Variants in KRI1 observed in about 807,000 individuals in gnomAD.
KRI1 encodes protein KRI1 homolog.
Under a neutral mutation model 97.0 loss-of-function variants are expected in KRI1, and 83 were observed. The observed-to-expected ratio is 0.86, with a 90% confidence interval of 0.72 to 1.03. The LOEUF (loss-of-function observed/expected upper bound fraction) is 1.03, where lower values mean the gene tolerates loss of function less well. Ranked by LOEUF, KRI1 falls within the 50% of genes least tolerant of loss-of-function variation. The pLI, the probability that KRI1 is intolerant of heterozygous loss-of-function variation, is 0.00. For synonymous variants in KRI1, 371 were observed against 363.5 expected, an observed-to-expected ratio of 1.02 and a Z score of -0.23; for missense variants, 916 against 928.4, an observed-to-expected ratio of 0.99 and a Z score of 0.17.
Position 10,553,905 on chromosome 19 carries a change from T to A in KRI1, c.*46A>T. On this transcript the variant is annotated 3_prime_UTR_variant, in exon 19 of 19. Coordinates refer to ENST00000312962, the MANE Select transcript of KRI1 (RefSeq NM_023008.5). Reference sequence around the variant, plus strand: ...TGTGGGTGCGAGACCTGTCCAGGGCTTGATTTGAGGAGAGGAGCCTGAGGC... The same window carrying A: ...TGTGGGTGCGAGACCTGTCCAGGGCATGATTTGAGGAGAGGAGCCTGAGGC... 6.9e-7 allele frequency: 1 copy of A among 1,459,220 alleles called. No individual in the cohort carries two copies. The highest frequency in any genetic ancestry group is 9.2e-7 in the Non-Finnish European group (1 of 1,090,084). The allele number at this position is 1,459,220 out of a possible 1,614,324, so 90.4% of individuals were successfully genotyped here.
Position 10,557,983 on chromosome 19 carries a change from G to C in KRI1, c.1348C>G (p.Pro450Ala). Residue 450 changes from proline to alanine, a missense_variant, in exon 14 of 19, where the codon CCC (proline) becomes GCC (alanine). Coordinates refer to ENST00000312962, the MANE Select transcript of KRI1 (RefSeq NM_023008.5). ...WSQQELHCED[P>A]NFNMDADYDP... ...CCCGTGATACCTACGTTGAAGTTGGGGTCCTCACAGTGCAGCTCCTGCTGG... is the reference window on the plus strand; with the variant it reads ...CCCGTGATACCTACGTTGAAGTTGGCGTCCTCACAGTGCAGCTCCTGCTGG... 6.2e-7 allele frequency: 1 copy of C among 1,614,054 alleles called. No homozygotes were observed. The highest frequency in any genetic ancestry group is 8.5e-7 in the Non-Finnish European group (1 of 1,180,006).
rs951254301 is a variant in KRI1 at position 10,553,342 on chromosome 19, C to T, written c.*609G>A. On this transcript the variant is annotated 3_prime_UTR_variant, in exon 19 of 19. Coordinates refer to ENST00000312962, the MANE Select transcript of KRI1 (RefSeq NM_023008.5). ...CTCACGTACTGTAGTTTGCACTGGACGCCCGGGCCCTCCCTGTCCCAAAGC... is the reference window on the plus strand; with the variant it reads ...CTCACGTACTGTAGTTTGCACTGGATGCCCGGGCCCTCCCTGTCCCAAAGC... 186 of 362,300 alleles carry T rather than the reference C, an allele frequency of 5.1e-4. No homozygotes were observed. The Middle Eastern group carries it at 5.4e-3, about 11-fold the overall frequency. The allele number at this position is 362,300 out of a possible 1,614,324, so 22.4% of individuals were successfully genotyped here. A position where few individuals can be genotyped will look rare whatever the true frequency, so the allele number is the denominator to read the frequency against.
At chr19:10,564,289 T>C (rs1423538555) in intron 3 of KRI1, among the ~76,000 whole-genome samples, 1 of 149,856 alleles carries the variant, frequency 6.7e-6, no homozygotes, top group Non-Finnish European at 1.5e-5. Context: ...GGAGAAACCC[T>C]GTCTCTACTA....
intron 17 of KRI1, 43 bp from the exon 18 acceptor site, chr19:10,555,228 C>T (rs763167226): frequency 2.2e-5 from 35 of 1,613,126 alleles, no homozygotes; most frequent in Non-Finnish European, 2.7e-5. Context: ...GGGAAGTGCC[C>T]GAGGCTGCCC....
intron 12 of KRI1, among the ~76,000 whole-genome samples, chr19:10,559,024 A>T (rs1916607979): frequency 6.9e-6 from 1 of 144,690 alleles, no homozygotes; most frequent in Non-Finnish European, 1.5e-5. Context: ...TTTTTTTTTA[A>T]AACAGAGGCT....
intron 14 of KRI1, 26 bp from the exon 15 acceptor site, chr19:10,557,921 C>T: frequency 6.2e-7 from 1 of 1,613,724 alleles, no homozygotes; most frequent in South Asian, 1.1e-5. Context: ...GGTCAGATCC[C>T]ACCAGCCCCC....
chr19:10,559,699 A>G lies in KRI1; in HGVS notation c.937T>C (p.Tyr313His). 1 of 1,613,946 alleles carries G rather than the reference A, an allele frequency of 6.2e-7. No individual in the cohort carries two copies. Among genetic ancestry groups the G allele is most frequent in the Non-Finnish European group, 8.5e-7 (1 of 1,179,994 alleles). ...EEPDSASVKT[Y>H]PRSIASSVRR... The stretch of plus-strand genomic sequence containing the variant: ...ACGGAGGACGCGATGCTGCGTGGGT[A>G]GGTCTTGACCTAGGCGCAATCAGAA... The change falls in exon 11 of 19, where the codon TAC (tyrosine) becomes CAC (histidine). Residue 313 changes from tyrosine (Y) to histidine (H), a missense_variant. Tyr to His is a moderately conservative substitution (Grantham distance 83, BLOSUM62 2). Transcript: ENST00000312962.
rs138825497 is a variant in KRI1, at chr19:10,557,406, C to T, written c.1617+146G>A. 1.1e-3 allele frequency: 1,026 copies of T among 972,926 alleles called. 4 individuals are homozygous for T. The highest frequency in any genetic ancestry group is 7.7e-3 in the African/African-American group (474 of 61,400). The allele number at this position is 972,926 out of a possible 1,614,324, so 60.3% of individuals were successfully genotyped here. On this transcript the variant is annotated intron_variant, in intron 16 of 18. Coordinates refer to ENST00000312962, the MANE Select transcript of KRI1 (RefSeq NM_023008.5). ...ACAGGCATGAGCCACTGCGCCCAAC[C>T]GAATATTATCATTTTCAAGATGAAG...
At chr19:10,562,703 G>T in intron 4 of KRI1, 26 bp downstream of exon 4, 2 of 1,304,538 alleles carry the variant, frequency 1.5e-6, no homozygotes, top group South Asian at 1.2e-5. Flanking sequence ...GGAACCAGGG[G>T]GTGGGGATGT....
Position 10,560,388 on chromosome 19 carries a change from C to A in KRI1, c.724G>T (p.Asp242Tyr). The change falls in exon 9 of 19, where the codon GAT becomes TAT. Residue 242 changes from aspartate to tyrosine, a missense_variant. This residue lies in a region of KRI1 where 672 missense variants were observed against 667.2 expected (regional missense o/e 1.01). Coordinates refer to ENST00000312962, the MANE Select transcript of KRI1 (RefSeq NM_023008.5). ...ELDEGERFLR[D>Y]YILNKRYEEE... ...TCATAGCGTTTGTTGAGGATGTAATCCCGCAGGAACCGCTCCCCTTCATCC... is the reference window on the plus strand; with the variant it reads ...TCATAGCGTTTGTTGAGGATGTAATACCGCAGGAACCGCTCCCCTTCATCC... 1 of 1,613,702 alleles carries A rather than the reference C, an allele frequency of 6.2e-7. No individual in the cohort carries two copies. Among genetic ancestry groups the A allele is most frequent in the Non-Finnish European group, 8.5e-7 (1 of 1,179,856 alleles).
At chr19:10,562,380 G>A (rs995244093) in intron 4 of KRI1, among the ~76,000 whole-genome samples, 2 of 147,482 alleles carry the variant, frequency 1.4e-5, no homozygotes, top group African/African-American at 5.1e-5. Flanking sequence ...GTCTTATTCT[G>A]TTGCCCAGGC....
chr19:10,559,599 C>A lies in KRI1; in HGVS notation c.1023+14G>T. 6.2e-7 allele frequency: 1 copy of A among 1,613,390 alleles called. No individual in the cohort carries two copies. The highest frequency in any genetic ancestry group is 8.5e-7 in the Non-Finnish European group (1 of 1,179,684). ...GGGCTGGGGGGTCCTCCCCAGCTCA[C>A]CCCCCACACTCACCCTCTTCTTTCG... On this transcript the variant is annotated intron_variant, in intron 11 of 18. Coordinates refer to ENST00000312962, the MANE Select transcript of KRI1 (RefSeq NM_023008.5).
At chr19:10,554,611 C>A (rs527811598) in intron 18 of KRI1, among the ~76,000 whole-genome samples, 2 of 152,140 alleles carry the variant, frequency 1.3e-5, no homozygotes, top group African/African-American at 4.8e-5. Context: ...AGTCGCGTTA[C>A]CATAGGTCAC....
intron 15 of KRI1, 30 bp from the exon 16 acceptor site, chr19:10,557,712 T>TATGCCAGGCC (rs779784999): frequency 1.3e-4 from 203 of 1,614,008 alleles, no homozygotes; most frequent in Non-Finnish European, 1.7e-4. Flanking sequence ...GCTGCTGGGC[T>TATGCCAGGCC]ATGCCAGGCC....
chr19:10,559,318 T>C, intron 12 of KRI1, 41 bp downstream of exon 12: 1 of 1,595,496 alleles, frequency 6.3e-7, no homozygotes, highest in Admixed American at 1.7e-5. Flanking sequence ...GCCATGTTTG[T>C]GTGAACTCAG....
At chr19:10,555,025 C>A (rs1916453931) in intron 18 of KRI1, 62 bp downstream of exon 18, 1 of 1,386,940 alleles carries the variant, frequency 7.2e-7, no homozygotes, top group Non-Finnish European at 1.0e-6. Flanking sequence ...TTGACGGAGC[C>A]AAGACTCAAG....
chr19:10,560,724 C>G (rs1916667986), intron 8 of KRI1, among the ~76,000 whole-genome samples: 1 of 152,194 alleles, frequency 6.6e-6, no homozygotes, highest in African/African-American at 2.4e-5. Flanking sequence ...TGCCACCATG[C>G]CTGGCTAATT....
chr19:10,559,755 G>C, intron 10 of KRI1, 47 bp from the exon 11 acceptor site: 1 of 1,613,888 alleles, frequency 6.2e-7, no homozygotes, highest in Non-Finnish European at 8.5e-7. Context: ...GATGATGTGG[G>C]GTTCCCTGGG....
chr19:10,563,749 A>C (rs1042973733), intron 3 of KRI1, among the ~76,000 whole-genome samples: 2 of 152,092 alleles, frequency 1.3e-5, no homozygotes, highest in African/African-American at 2.4e-5. Flanking sequence ...TGCAGCCTTG[A>C]ACTCATGGGC....
Sources: gnomAD v4.1 joint callset for allele counts (sites outside exome capture counted in the v4.1 genomes callset) on GRCh38, gnomAD v4.1.1 for gene constraint, gnomAD v4.1.1 regional missense constraint, MANE v1.5 for transcripts, NCBI Gene and HGNC (gene_info 2026-07-23, HGNC 2026-07-21) for gene names.